XYLT1: variants seen among roughly 807,000 people sequenced by gnomAD.
The protein encoded by XYLT1 is xylosyltransferase 1.
XYLT1 carries 36 observed loss-of-function variants against 91.3 expected under a neutral mutation model. The ratio of observed to expected loss-of-function variants is 0.39; its 90% CI spans 0.30 to 0.52. The LOEUF is 0.52. XYLT1 is among the 20% of genes least tolerant of loss of function. The probability of loss-of-function intolerance (pLI) is 0.68; values close to 1 mark genes in which losing one functional copy is unlikely to be tolerated. For missense variants in XYLT1, 1,242 were observed against 1,284.5 expected (o/e 0.97, Z 0.51); for synonymous variants, 588 against 532.0 (o/e 1.11, Z -1.45).
chr16:17,288,292 G>C (rs770597006), intron 2 of XYLT1, among the ~76,000 whole-genome samples: 1 of 151,140 alleles, frequency 6.6e-6, no homozygotes, highest in African/African-American at 2.4e-5. Flanking sequence ...TATAAAAATA[G>C]TGCAGTGTCC....
chr16:17,206,786 CAGTCAA>C (rs913397391), intron 3 of XYLT1, among the ~76,000 whole-genome samples: 14 of 152,056 alleles, frequency 9.2e-5, no homozygotes, highest in Non-Finnish European at 1.8e-4. Context: ...GCCTAAGCAC[CAGTCAA>C]ATGTGATCTC....
chr16:17,207,066 T>C (rs1241250913), intron 3 of XYLT1, among the ~76,000 whole-genome samples: 3 of 148,476 alleles, frequency 2.0e-5, no homozygotes, highest in Non-Finnish European at 4.5e-5. Flanking sequence ...TTTTTTTTTT[T>C]TTTTTTTTGA....
At chr16:17,363,811 C>T (rs935069272) in intron 1 of XYLT1, among the ~76,000 whole-genome samples, 44 of 151,858 alleles carry the variant, frequency 2.9e-4, no homozygotes, top group African/African-American at 9.4e-4. Flanking sequence ...CCCAAAGTGC[C>T]GGGATTACAG....
intron 1 of XYLT1, among the ~76,000 whole-genome samples, chr16:17,469,516 G>C (rs946540910): frequency 2.0e-5 from 3 of 152,234 alleles, no homozygotes; most frequent in African/African-American, 4.8e-5. Flanking sequence ...GGTGGGAAAG[G>C]TATCCCTGGA....
At chr16:17,434,827 C>A (rs1394280039) in intron 1 of XYLT1, among the ~76,000 whole-genome samples, 1 of 151,588 alleles carries the variant, frequency 6.6e-6, no homozygotes, top group Non-Finnish European at 1.5e-5. Flanking sequence ...ATGACTGCAC[C>A]ACTGCACTCT....
intron 2 of XYLT1, among the ~76,000 whole-genome samples, chr16:17,267,378 G>C (rs1427794929): frequency 1.3e-5 from 2 of 152,198 alleles, no homozygotes; most frequent in African/African-American, 4.8e-5. Context: ...TTTTAAGCTA[G>C]CGCCTTGTCA....
chr16:17,312,506 A>C lies in XYLT1; in HGVS notation c.402+45506T>G, dbSNP rs980916244. ...ATTATAGACTCACAGGAGGTTGCCA[A>C]GATAGCAGAGTTCTGCACTCCCTCA... On this transcript the variant is annotated intron_variant, in intron 2 of 11. Transcript: ENST00000261381. This position sits in a 1 kb window ranked among gnomAD's most constrained non-coding sequence, Gnocchi z 4.4. 2.6e-5 allele frequency among the ~76,000 whole-genome samples: 4 copies of C among 152,246 alleles called. No homozygotes were observed. Among genetic ancestry groups the C allele is most frequent in the Non-Finnish European group, 5.9e-5 (4 of 68,046 alleles).
At chr16:17,142,988 T>A (rs940601745) in intron 6 of XYLT1, among the ~76,000 whole-genome samples, 2 of 152,154 alleles carry the variant, frequency 1.3e-5, no homozygotes, top group African/African-American at 4.8e-5. Context: ...GAACCCTAGA[T>A]TAATAACTCC....
chr16:17,341,117 A>G (rs2035058396), intron 2 of XYLT1, among the ~76,000 whole-genome samples: 1 of 152,214 alleles, frequency 6.6e-6, no homozygotes, highest in Admixed American at 6.5e-5. Context: ...ACACCCTTTG[A>G]GCCAGTGATG....
intron 2 of XYLT1, among the ~76,000 whole-genome samples, chr16:17,343,079 C>A (rs2035087062): frequency 6.6e-6 from 1 of 152,212 alleles, no homozygotes; most frequent in African/African-American, 2.4e-5. Context: ...CACCTCACGG[C>A]CAACATGGCA....
Position 17,133,977 on chromosome 16 carries a change from G to T in XYLT1, c.2027+496C>A, listed in dbSNP as rs1482501554. On this transcript the variant is annotated intron_variant, in intron 9 of 11. Transcript: ENST00000261381. ...TAAAATATTGATGGCTGAAATGATA[G>T]GATGTCTGGGATTGACTTCAAACTG... 2.0e-5 allele frequency among the ~76,000 whole-genome samples: 3 copies of T among 152,304 alleles called. No individual in the cohort carries two copies. The East Asian group carries it at 5.8e-4, about 29-fold the overall frequency.
intron 2 of XYLT1, among the ~76,000 whole-genome samples, chr16:17,344,450 G>A (rs1209073214): frequency 2.0e-5 from 3 of 146,652 alleles, no homozygotes; most frequent in Admixed American, 7.0e-5. Flanking sequence ...CCGAGATCAC[G>A]CCATTGCACT....
intron 5 of XYLT1, among the ~76,000 whole-genome samples, chr16:17,195,798 T>G (rs1224338764): frequency 1.3e-5 from 2 of 152,220 alleles, no homozygotes; most frequent in Non-Finnish European, 2.9e-5. Flanking sequence ...ATCTTTGGCA[T>G]GATCATCTAA....
intron 2 of XYLT1, among the ~76,000 whole-genome samples, chr16:17,348,843 GCACAGCCCTGCCCCAAA>G (rs1286415579): frequency 1.3e-5 from 2 of 152,202 alleles, no homozygotes; most frequent in Non-Finnish European, 2.9e-5. Context: ...TCCGCAGTAT[GCACAGCCCTGCCCCAAA>G]ACCCCATGGA....
At chr16:17,372,337 C>G (rs2035546139) in intron 1 of XYLT1, among the ~76,000 whole-genome samples, 1 of 152,214 alleles carries the variant, frequency 6.6e-6, no homozygotes, top group Non-Finnish European at 1.5e-5. Context: ...ACACATTTTA[C>G]AGCTGCAGAC....
At chr16:17,167,923 G>A (rs1171167753) in intron 5 of XYLT1, among the ~76,000 whole-genome samples, 1 of 152,132 alleles carries the variant, frequency 6.6e-6, no homozygotes, top group Admixed American at 6.5e-5. Flanking sequence ...TCTGGGGGAG[G>A]AGGAGACACT....
intron 1 of XYLT1, among the ~76,000 whole-genome samples, chr16:17,399,008 C>A (rs2035929097): frequency 6.6e-6 from 1 of 151,988 alleles, no homozygotes; most frequent in Non-Finnish European, 1.5e-5. Flanking sequence ...CCACACCTGG[C>A]TAATTAAAAT....
intron 6 of XYLT1, among the ~76,000 whole-genome samples, chr16:17,156,540 T>C (rs564018899): frequency 6.6e-6 from 1 of 152,392 alleles, no homozygotes; most frequent in Non-Finnish European, 1.5e-5. Context: ...AAAACTTGGG[T>C]TCAAATTCTA....
chr16:17,291,518 T>G (rs1307059342), intron 2 of XYLT1, among the ~76,000 whole-genome samples: 2 of 152,108 alleles, frequency 1.3e-5, no homozygotes, highest in Non-Finnish European at 2.9e-5. Flanking sequence ...GGGTTTGGAT[T>G]TGGGTGGGGT....
Sources: gnomAD v4.1 joint callset for allele counts (sites outside exome capture counted in the v4.1 genomes callset) on GRCh38, gnomAD v4.1.1 for gene constraint, Gnocchi (gnomAD v3.1) non-coding constraint, MANE v1.5 for transcripts, NCBI Gene and HGNC (gene_info 2026-07-23, HGNC 2026-07-21) for gene names.